CAST: variants seen among roughly 807,000 people sequenced by gnomAD.
CAST encodes calpastatin.
In CAST, 76 loss-of-function variants were observed where a neutral mutation model predicts 119.6. The ratio of observed to expected loss-of-function variants is 0.64; its 90% CI spans 0.53 to 0.77. CAST has a LOEUF of 0.77. Among genes scored for constraint, CAST ranks in the 30% least tolerant of loss-of-function variants. The pLI is 0.00. For missense variants in CAST, 953 were observed against 946.5 expected (o/e 1.01, Z -0.09); for synonymous variants, 319 against 331.6 (o/e 0.96, Z 0.41).
chr5:96,473,148 T>C, the CAST span, among the ~76,000 whole-genome samples: 2 of 152,200 alleles, frequency 1.3e-5, no homozygotes, highest in Non-Finnish European at 2.9e-5. Context: ...TATTTCCTAA[T>C]AAGGTCACAT....
chr5:96,227,093 G>T, the CAST span, among the ~76,000 whole-genome samples: 1 of 152,120 alleles, frequency 6.6e-6, no homozygotes, highest in Admixed American at 6.6e-5. Flanking sequence ...GTAGTGTCTT[G>T]GTTTAATGTC....
At chr5:96,692,593 G>T (rs1752854581) in intron 2 of CAST, among the ~76,000 whole-genome samples, 1 of 152,146 alleles carries the variant, frequency 6.6e-6, no homozygotes, top group Non-Finnish European at 1.5e-5. Flanking sequence ...TGCACGTGCT[G>T]CCCTGTCTAC....
At chr5:96,735,740 A>T (rs1172907901) in intron 9 of CAST, among the ~76,000 whole-genome samples, 1 of 152,214 alleles carries the variant, frequency 6.6e-6, no homozygotes, top group African/African-American at 2.4e-5. Context: ...TTAAGGAAAG[A>T]GGAGGTGTTG....
chr5:96,147,885 A>G, the CAST span, among the ~76,000 whole-genome samples: 1 of 152,242 alleles, frequency 6.6e-6, no homozygotes, highest in Non-Finnish European at 1.5e-5. Context: ...AAATAAAAAA[A>G]GAAATTAATT....
the CAST span, among the ~76,000 whole-genome samples, chr5:96,488,239 G>C: frequency 6.6e-6 from 1 of 152,124 alleles, no homozygotes; most frequent in Non-Finnish European, 1.5e-5. Context: ...AAGAGACTTA[G>C]AGAATTGTAG....
At chr5:96,586,292 A>G (rs1746859905) in intron 1 of CAST, among the ~76,000 whole-genome samples, 1 of 152,180 alleles carries the variant, frequency 6.6e-6, no homozygotes, top group Non-Finnish European at 1.5e-5. Context: ...ATGTTTTTGT[A>G]TTTGGTTTAA....
chr5:96,669,265 T>A (rs1403062092), intron 1 of CAST, among the ~76,000 whole-genome samples: 1 of 152,236 alleles, frequency 6.6e-6, no homozygotes, highest in African/African-American at 2.4e-5. Context: ...AGAATACATA[T>A]ACAAATATAT....
At chr5:96,522,944 G>T (rs1366545783), upstream of CAST, among the ~76,000 whole-genome samples, 3 of 152,190 alleles carry the variant, frequency 2.0e-5, no homozygotes, top group African/African-American at 7.2e-5. Context: ...TGAGTCTGAG[G>T]ATACTGAACA....
rs552063749 is a variant in CAST, at chr5:96,774,500, A to AT, written c.*1890dup. The AT allele has an allele frequency of 3.9e-4, 380 of 983,892 alleles. No individual in the cohort carries two copies. The highest frequency in any genetic ancestry group is 3.6e-3 in the African/African-American group (208 of 57,330). 60.9% of individuals were successfully genotyped at this position (983,892 alleles called of 1,614,324 possible). A position where few individuals can be genotyped will look rare whatever the true frequency, so the allele number is the denominator to read the frequency against. On this transcript the variant is annotated 3_prime_UTR_variant, in exon 32 of 32. Coordinates refer to ENST00000675179, the MANE Select transcript of CAST (RefSeq NM_001750.7). ...AATATCCACTTAGAGGCAAAGAACA[A>AT]TTTTTTATTATCAAAAAGGTTTCTG...
At chr5:96,180,660 G>T in the CAST span, among the ~76,000 whole-genome samples, 1 of 152,198 alleles carries the variant, frequency 6.6e-6, no homozygotes, top group East Asian at 1.9e-4. Context: ...TTAGAAAAAT[G>T]ATTAAAATTA....
the CAST span, among the ~76,000 whole-genome samples, chr5:96,065,467 G>C: frequency 6.6e-6 from 1 of 151,676 alleles, no homozygotes; most frequent in African/African-American, 2.4e-5. Context: ...TAATTGAGCT[G>C]TATGTTTAAA....
At chr5:96,719,549 T>C (rs908752433) in intron 3 of CAST, among the ~76,000 whole-genome samples, 5 of 152,260 alleles carry the variant, frequency 3.3e-5, no homozygotes, top group African/African-American at 1.2e-4. Context: ...TTCTTGTTAC[T>C]CTGACTTGTG....
the CAST span, among the ~76,000 whole-genome samples, chr5:96,004,268 A>T: frequency 6.6e-6 from 1 of 152,026 alleles, no homozygotes; most frequent in African/African-American, 2.4e-5. Flanking sequence ...TAGATACATT[A>T]TATACAGAAT....
chr5:96,733,291 A>G (rs777915203), intron 9 of CAST, among the ~76,000 whole-genome samples: 40 of 152,336 alleles, frequency 2.6e-4, no homozygotes, highest in Non-Finnish European at 4.4e-4. Flanking sequence ...TGGTTTGAAA[A>G]TGGATACATT....
intron 3 of CAST, among the ~76,000 whole-genome samples, chr5:96,719,904 G>A (rs1176115117): frequency 8.5e-5 from 13 of 152,062 alleles, no homozygotes; most frequent in Non-Finnish European, 2.9e-5. Flanking sequence ...TCCAATCACC[G>A]CATGACAGGT....
the CAST span, among the ~76,000 whole-genome samples, chr5:96,317,487 A>G: frequency 6.6e-6 from 1 of 150,760 alleles, no homozygotes. Context: ...AAAAAAAAAA[A>G]AAAAAAAAAA....
the CAST span, among the ~76,000 whole-genome samples, chr5:95,995,055 C>T: frequency 6.6e-6 from 1 of 152,114 alleles, no homozygotes; most frequent in Non-Finnish European, 1.5e-5. Context: ...AAGTACATAG[C>T]TTCCTGTTGT....
At chr5:96,410,454 A>G in the CAST span, among the ~76,000 whole-genome samples, 1 of 152,114 alleles carries the variant, frequency 6.6e-6, no homozygotes, top group African/African-American at 2.4e-5. Flanking sequence ...GATCTCCTTT[A>G]AGGCTGTTTC....
the CAST span, among the ~76,000 whole-genome samples, chr5:96,436,407 A>G: frequency 6.6e-6 from 1 of 152,202 alleles, no homozygotes; most frequent in South Asian, 2.1e-4. Context: ...TAAATTGCAT[A>G]TTAATAACTT....
Sources: gnomAD v4.1 joint callset for allele counts (sites outside exome capture counted in the v4.1 genomes callset) on GRCh38, gnomAD v4.1.1 for gene constraint, MANE v1.5 for transcripts, NCBI Gene and HGNC (gene_info 2026-07-23, HGNC 2026-07-21) for gene names.